Variants in APBB2 observed in about 807,000 individuals in gnomAD.
APBB2 encodes the protein amyloid beta precursor protein binding family B member 2.
In APBB2, 38 loss-of-function variants were observed where a neutral mutation model predicts 82.5. The observed-to-expected ratio is 0.46, with a 90% CI of 0.36 to 0.60. The LOEUF (loss-of-function observed/expected upper bound fraction) is 0.60. Ranked by LOEUF, APBB2 falls within the 20% of genes least tolerant of loss-of-function variation. The pLI is 0.00. For synonymous variants in APBB2, 341 were observed against 368.2 expected (o/e 0.93, Z 0.85); for missense variants, 772 against 972.3 (o/e 0.79, Z 2.74).
At chr4:40,911,140 G>C (rs532242392) in intron 10 of APBB2, among the ~76,000 whole-genome samples, 7 of 152,210 alleles carry the variant, frequency 4.6e-5, no homozygotes, top group African/African-American at 1.7e-4. Flanking sequence ...GACTGTGTAG[G>C]TCCACACAGA....
At chr4:41,149,942 C>G (rs1560885524) in intron 1 of APBB2, among the ~76,000 whole-genome samples, 1 of 152,176 alleles carries the variant, frequency 6.6e-6, no homozygotes. Context: ...GAGGCCTCCC[C>G]AGCCATGTGG....
intron 1 of APBB2, among the ~76,000 whole-genome samples, chr4:41,162,998 A>G (rs1378306165): frequency 6.6e-6 from 1 of 152,252 alleles, no homozygotes; most frequent in Non-Finnish European, 1.5e-5. Flanking sequence ...AAGAAAGGTG[A>G]TAAGCTCTAT....
At chr4:41,010,490 G>T (rs1037364975) in intron 6 of APBB2, among the ~76,000 whole-genome samples, 2 of 152,176 alleles carry the variant, frequency 1.3e-5, no homozygotes, top group South Asian at 2.1e-4. Flanking sequence ...AGTGGTAAGT[G>T]TCACAGCAGA....
chr4:40,973,880 C>T (rs1473129602), intron 6 of APBB2, among the ~76,000 whole-genome samples: 19 of 148,250 alleles, frequency 1.3e-4, no homozygotes, highest in African/African-American at 4.5e-4. Context: ...CAGACAGAGT[C>T]TCACTCTGTC....
At position 41,010,391 on chromosome 4, in the gene APBB2, A is replaced by C. The variant is rs16852687; in HGVS notation, c.835+3192T>G. Among the ~76,000 whole-genome samples the C allele has an allele frequency of 7.2e-5, 11 of 152,012 alleles. 1 individual carries two copies. Among genetic ancestry groups the C allele is most frequent in the African/African-American group, 2.7e-4 (11 of 41,346 alleles). On this transcript the variant is annotated intron_variant, in intron 6 of 17. Transcript: ENST00000508593. ...CATATCTTCTTAACATGTAAAAAAA[A>C]CTCTAATCCAGTTCTCATCACAGGC... is the stretch of plus-strand genomic sequence containing the variant.
intron 7 of APBB2, among the ~76,000 whole-genome samples, chr4:40,943,817 T>C (rs1039092161): frequency 3.3e-5 from 5 of 152,232 alleles, no homozygotes; most frequent in South Asian, 2.1e-4. Context: ...AATGAGGGTA[T>C]GGCTGCCCCA....
At chr4:41,020,473 G>A (rs1811184910) in intron 5 of APBB2, among the ~76,000 whole-genome samples, 1 of 152,216 alleles carries the variant, frequency 6.6e-6, no homozygotes, top group African/African-American at 2.4e-5. Flanking sequence ...GCTCAAACCA[G>A]TGCCAGCTGT....
At position 41,005,555 on chromosome 4, in the gene APBB2, A is replaced by G. The variant is rs115600280; in HGVS notation, c.835+8028T>C. On this transcript the variant is annotated intron_variant, in intron 6 of 17. Transcript: ENST00000508593. Reference sequence around the variant, plus strand: ...ACTCCTTCACAATCTTGGGGGCTGCATGCCCACCTCCAAGGTATGAGAGCA... The same window carrying G: ...ACTCCTTCACAATCTTGGGGGCTGCGTGCCCACCTCCAAGGTATGAGAGCA... 6.2e-3 allele frequency among the ~76,000 whole-genome samples: 941 copies of G among 152,272 alleles called. 14 individuals are homozygous for G. The highest frequency in any genetic ancestry group is 0.024 in the Middle Eastern group (7 of 294).
chr4:40,880,232 T>C (rs1768079534), intron 12 of APBB2: 5 of 985,416 alleles, frequency 5.1e-6, no homozygotes, highest in Non-Finnish European at 4.8e-6. Flanking sequence ...CTTGACCTAC[T>C]CTAGCTCTCA....
At chr4:40,880,443 C>A (rs1768151546) in intron 12 of APBB2, 1 of 985,440 alleles carries the variant, frequency 1.0e-6, no homozygotes, top group Non-Finnish European at 1.2e-6. Flanking sequence ...TCCTTTGCAA[C>A]AAGAGGCTTT....
intron 1 of APBB2, among the ~76,000 whole-genome samples, chr4:41,196,599 C>CTTTTTT: frequency 1.5e-4 from 15 of 100,318 alleles, no homozygotes; most frequent in African/African-American, 2.1e-4. Flanking sequence ...AAGCCCCCTG[C>CTTTTTT]TTTTTTTTTT....
chr4:40,993,572 G>T (rs1560478450), intron 6 of APBB2, among the ~76,000 whole-genome samples: 1 of 151,548 alleles, frequency 6.6e-6, no homozygotes. Context: ...ATTTTTTATA[G>T]AGATGAAGTC....
intron 6 of APBB2, among the ~76,000 whole-genome samples, chr4:40,985,608 C>G (rs1223223205): frequency 6.6e-6 from 1 of 152,150 alleles, no homozygotes; most frequent in Non-Finnish European, 1.5e-5. Context: ...AATACACCGA[C>G]TAATCCACAA....
chr4:40,845,942 C>G (rs1030214314), intron 12 of APBB2, among the ~76,000 whole-genome samples: 2 of 118,422 alleles, frequency 1.7e-5, no homozygotes, highest in African/African-American at 3.2e-5. Context: ...CTGAGTCTGA[C>G]AGTTTATTTT....
intron 6 of APBB2, among the ~76,000 whole-genome samples, chr4:40,972,513 G>C (rs1459042935): frequency 1.3e-5 from 2 of 151,926 alleles, no homozygotes; most frequent in African/African-American, 4.8e-5. Flanking sequence ...TATACTTTAA[G>C]TCATCCACTA....
intron 12 of APBB2, chr4:40,880,046 T>C: frequency 1.0e-6 from 1 of 985,376 alleles, no homozygotes. Context: ...AGAGTGTCAC[T>C]GGGAGCGATG....
intron 12 of APBB2, among the ~76,000 whole-genome samples, chr4:40,848,047 C>G (rs965888509): frequency 6.6e-6 from 1 of 152,148 alleles, no homozygotes; most frequent in Non-Finnish European, 1.5e-5. Context: ...CTCAAGCAAT[C>G]CACCCACCTC....
At chr4:41,126,799 C>T (rs1305820440) in intron 2 of APBB2, among the ~76,000 whole-genome samples, 1 of 152,170 alleles carries the variant, frequency 6.6e-6, no homozygotes, top group Non-Finnish European at 1.5e-5. Context: ...TGCCTAATTT[C>T]TTCTTCTTAT....
chr4:40,988,613 G>A (rs1175866332), intron 6 of APBB2, among the ~76,000 whole-genome samples: 1 of 134,386 alleles, frequency 7.4e-6, no homozygotes, highest in Non-Finnish European at 1.6e-5. Context: ...ACTCCAGCCT[G>A]GGCGACAGAG....
Sources: gnomAD v4.1 joint callset for allele counts (sites outside exome capture counted in the v4.1 genomes callset) on GRCh38, gnomAD v4.1.1 for gene constraint, MANE v1.5 for transcripts, NCBI Gene and HGNC (gene_info 2026-07-23, HGNC 2026-07-21) for gene names.